The following KIAA0825 variants were observed in gnomAD, a reference collection of about 807,000 sequenced individuals.
KIAA0825 encodes uncharacterized protein KIAA0825.
A neutral mutation model predicts 147.6 loss-of-function variants in KIAA0825; 119 were observed. The observed-to-expected ratio is 0.81, with a 90% CI of 0.69 to 0.94. KIAA0825 has a LOEUF of 0.94. Among genes scored for constraint, KIAA0825 ranks in the 40% least tolerant of loss-of-function variants. KIAA0825 has a pLI of 0.00. For synonymous variants in KIAA0825, 470 were observed against 518.1 expected (o/e 0.91, Z 1.26); for missense variants, 1,381 against 1,472.7 (o/e 0.94, Z 1.02).
chr5:94,611,314 G>A (rs1788730400), intron 1 of KIAA0825, among the ~76,000 whole-genome samples: 1 of 152,100 alleles, frequency 6.6e-6, no homozygotes, highest in Non-Finnish European at 1.5e-5. Context: ...CCTCGTGTAT[G>A]ATAGTTAATC....
chr5:94,588,852 G>C (rs777941863), intron 1 of KIAA0825, among the ~76,000 whole-genome samples: 15 of 152,112 alleles, frequency 9.9e-5, no homozygotes, highest in Non-Finnish European at 1.8e-4. Flanking sequence ...TAAAAAGGAT[G>C]AGTTCATGTC....
At chr5:94,466,944 A>T (rs1472723730) in intron 10 of KIAA0825, among the ~76,000 whole-genome samples, 2 of 152,134 alleles carry the variant, frequency 1.3e-5, no homozygotes, top group East Asian at 3.8e-4. Context: ...AGTGACTAGC[A>T]TGAATGATTT....
At chr5:94,300,126 C>T (rs1778324288) in intron 20 of KIAA0825, among the ~76,000 whole-genome samples, 1 of 151,786 alleles carries the variant, frequency 6.6e-6, no homozygotes, top group African/African-American at 2.4e-5. Context: ...CCAATTTATA[C>T]ATATTAGGAG....
At chr5:94,450,653 A>T (rs796317302) in intron 13 of KIAA0825, among the ~76,000 whole-genome samples, 11 of 152,028 alleles carry the variant, frequency 7.2e-5, no homozygotes, top group African/African-American at 2.7e-4. Context: ...GATATAAATA[A>T]CTTCCATTAG....
chr5:94,420,798 TAAGG>T (rs1754086823), intron 14 of KIAA0825, among the ~76,000 whole-genome samples: 1 of 152,118 alleles, frequency 6.6e-6, no homozygotes, highest in East Asian at 1.9e-4. Flanking sequence ...GTTTTAATGC[TAAGG>T]AAGGAAGAAA....
chr5:94,346,550 C>T (rs200248722), intron 20 of KIAA0825, among the ~76,000 whole-genome samples: 28 of 152,150 alleles, frequency 1.8e-4, no homozygotes, highest in East Asian at 7.7e-4. Flanking sequence ...AAACACACAC[C>T]GCCACTGGAG....
chr5:94,516,519 G>A (rs1045767417), intron 5 of KIAA0825, among the ~76,000 whole-genome samples: 2 of 152,146 alleles, frequency 1.3e-5, no homozygotes, highest in Non-Finnish European at 2.9e-5. Context: ...AAAAGAAAAC[G>A]TGGGCCGGGC....
At chr5:94,236,896 C>T (rs770952507) in intron 20 of KIAA0825, among the ~76,000 whole-genome samples, 16 of 152,168 alleles carry the variant, frequency 1.1e-4, no homozygotes, top group Non-Finnish European at 1.8e-4. Flanking sequence ...TGCTATTGCA[C>T]ACTTAATAGA....
chr5:94,413,793 A>G (rs1484878707), intron 15 of KIAA0825: 2 of 152,208 alleles, frequency 1.3e-5, no homozygotes, highest in Non-Finnish European at 1.5e-5. Context: ...TTCAATCAAT[A>G]AATATATTTT....
At chr5:94,160,945 T>C (rs2149918343) in intron 20 of KIAA0825, among the ~76,000 whole-genome samples, 1 of 152,272 alleles carries the variant, frequency 6.6e-6, no homozygotes, top group Admixed American at 6.5e-5. Flanking sequence ...TGTGAGCTTT[T>C]CTCAGGATCA....
chr5:94,327,047 T>A (rs1032704781), intron 20 of KIAA0825, among the ~76,000 whole-genome samples: 1 of 152,200 alleles, frequency 6.6e-6, no homozygotes, highest in African/African-American at 2.4e-5. Context: ...AAGTGGTCTA[T>A]ATAGAAGCTG....
At chr5:94,379,145 T>G (rs1748018510) in intron 20 of KIAA0825, among the ~76,000 whole-genome samples, 1 of 152,242 alleles carries the variant, frequency 6.6e-6, no homozygotes. Flanking sequence ...TTTGTTTCAA[T>G]TGCTTTTGCA....
intron 12 of KIAA0825, among the ~76,000 whole-genome samples, chr5:94,459,301 T>G (rs1759521951): frequency 6.6e-6 from 1 of 152,174 alleles, no homozygotes; most frequent in Non-Finnish European, 1.5e-5. Context: ...GACATAACAT[T>G]TTGAACACTC....
intron 20 of KIAA0825, among the ~76,000 whole-genome samples, chr5:94,259,724 C>T (rs1486200282): frequency 1.3e-5 from 2 of 151,912 alleles, no homozygotes; most frequent in Non-Finnish European, 2.9e-5. Context: ...TAAAGTTTTA[C>T]ATCAGCTTCA....
At position 94,417,279 on chromosome 5, in the gene KIAA0825, A is replaced by T. The variant is rs190282534; in HGVS notation, c.2584T>A (p.Ser862Thr). 6.4e-7 allele frequency: 1 copy of T among 1,551,058 alleles called. No individual in the cohort carries two copies. Among genetic ancestry groups the T allele is most frequent in the Non-Finnish European group, 8.7e-7 (1 of 1,146,562 alleles). The stretch of plus-strand genomic sequence containing the variant: ...AAAACGTTTGCAAATGTTTGTGGAG[A>T]AAAACTGCAATGGTACAATATTTTA... ...IFKILYHCSF[S>T]PQTFANVFVS... Residue 862 changes from serine to threonine, a missense_variant, in exon 15 of 21, where the codon TCT becomes ACT. Physicochemically the swap from Ser to Thr is moderately conservative, Grantham distance 58. Transcript: ENST00000682413.
chr5:94,229,672 A>G (rs1044797499), intron 20 of KIAA0825, among the ~76,000 whole-genome samples: 2 of 151,834 alleles, frequency 1.3e-5, no homozygotes, highest in African/African-American at 4.8e-5. Flanking sequence ...CTTATTTTCT[A>G]GCAGAATTTC....
intron 2 of KIAA0825, among the ~76,000 whole-genome samples, chr5:94,551,424 T>G (rs1775518985): frequency 6.6e-6 from 1 of 152,042 alleles, no homozygotes; most frequent in Non-Finnish European, 1.5e-5. Flanking sequence ...GTAGTGAAAT[T>G]GTCAAAAGTC....
intron 1 of KIAA0825, among the ~76,000 whole-genome samples, chr5:94,610,377 C>T (rs1441996744): frequency 7.0e-6 from 1 of 143,052 alleles, no homozygotes; most frequent in African/African-American, 2.6e-5. Context: ...GCTGAGATTG[C>T]GCCACTGGAT....
At chr5:94,272,909 T>G (rs1040477253) in intron 20 of KIAA0825, among the ~76,000 whole-genome samples, 2 of 152,234 alleles carry the variant, frequency 1.3e-5, no homozygotes, top group Non-Finnish European at 2.9e-5. Context: ...TCCTTCTGTC[T>G]TGTTTACTTC....
Sources: gnomAD v4.1 joint callset for allele counts (sites outside exome capture counted in the v4.1 genomes callset) on GRCh38, gnomAD v4.1.1 for gene constraint, MANE v1.5 for transcripts, NCBI Gene and HGNC (gene_info 2026-07-23, HGNC 2026-07-21) for gene names.